Variants in DSCAML1 observed in about 807,000 individuals in gnomAD.
DSCAML1 encodes the protein DS cell adhesion molecule like 1.
In DSCAML1, 38 loss-of-function variants were observed where a neutral mutation model predicts 200.5. The observed-to-expected ratio is 0.19, with a 90% CI of 0.15 to 0.25. The LOEUF is 0.25. Among genes scored for constraint, DSCAML1 ranks in the 10% least tolerant of loss-of-function variants. DSCAML1 has a pLI of 1.00. For missense variants in DSCAML1, 2,223 were observed against 2,858.8 expected, an observed-to-expected ratio of 0.78 and a Z score of 5.07; for synonymous variants, 1,215 against 1,165.0, an observed-to-expected ratio of 1.04 and a Z score of -0.87.
intron 3 of DSCAML1, among the ~76,000 whole-genome samples, chr11:117,761,477 T>A (rs1480806339): frequency 6.6e-6 from 1 of 152,262 alleles, no homozygotes; most frequent in African/African-American, 2.4e-5. Context: ...TGGGCTCTGA[T>A]ACCACATGGC....
At chr11:117,797,850 G>A (rs893729267), upstream of DSCAML1, among the ~76,000 whole-genome samples, 17 of 104,256 alleles carry the variant, frequency 1.6e-4, no homozygotes, top group African/African-American at 7.8e-4. Flanking sequence ...TACGCTACCT[G>A]TGTTATCTTC....
chr11:117,722,769 G>T (rs886085742), intron 3 of DSCAML1, among the ~76,000 whole-genome samples: 3 of 152,178 alleles, frequency 2.0e-5, no homozygotes, highest in African/African-American at 7.2e-5. Flanking sequence ...TCAGGCTGAG[G>T]TGTAGACAAC....
chr11:117,770,408 A>T (rs1042045199), intron 3 of DSCAML1, among the ~76,000 whole-genome samples: 5 of 152,228 alleles, frequency 3.3e-5, no homozygotes, highest in African/African-American at 1.2e-4. Context: ...TCTGAACAGC[A>T]GAGAATCACA....
intron 3 of DSCAML1, among the ~76,000 whole-genome samples, chr11:117,622,114 T>C (rs1248175997): frequency 1.3e-5 from 2 of 152,144 alleles, no homozygotes; most frequent in South Asian, 2.1e-4. Flanking sequence ...TTTGCCAAAA[T>C]GAGGACCCCT....
intron 3 of DSCAML1, among the ~76,000 whole-genome samples, chr11:117,702,351 C>G (rs1016559701): frequency 1.3e-5 from 2 of 152,052 alleles, no homozygotes; most frequent in African/African-American, 4.8e-5. Context: ...ATGATGCCTT[C>G]CTATGGCATG....
At chr11:117,477,743 G>A (rs1048316695) in intron 14 of DSCAML1, among the ~76,000 whole-genome samples, 3 of 152,298 alleles carry the variant, frequency 2.0e-5, no homozygotes, top group Admixed American at 1.3e-4. Context: ...TGGGGAAGCC[G>A]TGCCATGCCC....
At chr11:117,762,078 C>T (rs1360304197) in intron 3 of DSCAML1, among the ~76,000 whole-genome samples, 4 of 152,084 alleles carry the variant, frequency 2.6e-5, no homozygotes, top group Admixed American at 1.3e-4. Context: ...ATCTCCCAGT[C>T]GCACTCTGCT....
intron 3 of DSCAML1, among the ~76,000 whole-genome samples, chr11:117,747,034 A>AATCC (rs1399991026): frequency 6.6e-6 from 1 of 151,892 alleles, no homozygotes; most frequent in Non-Finnish European, 1.5e-5. Context: ...ATGAAGAATG[A>AATCC]ATCCAGTCTA....
At chr11:117,809,151 A>G (rs1053380534) in intron 1 of DSCAML1, among the ~76,000 whole-genome samples, 3 of 152,272 alleles carry the variant, frequency 2.0e-5, no homozygotes, top group Admixed American at 2.0e-4. Flanking sequence ...CCTCAGATTT[A>G]GGAGAGGCGA....
chr11:117,616,114 C>G (rs527005), intron 3 of DSCAML1, among the ~76,000 whole-genome samples: 31,036 of 152,082 alleles, frequency 0.2, 3,316 homozygotes, highest in South Asian at 0.3. Context: ...TTGGGGTCAT[C>G]ATCAGTCCGA....
At chr11:117,810,728 T>C (rs1165611280) in intron 1 of DSCAML1, among the ~76,000 whole-genome samples, 1 of 152,202 alleles carries the variant, frequency 6.6e-6, no homozygotes, top group Admixed American at 6.5e-5. Context: ...AACAGCTCTT[T>C]CAATTTTTCC....
intron 3 of DSCAML1, among the ~76,000 whole-genome samples, chr11:117,772,274 AG>A (rs778443014): frequency 1.3e-5 from 2 of 152,246 alleles, no homozygotes; most frequent in Non-Finnish European, 2.9e-5. Context: ...TCTTGGCCAA[AG>A]GTGGGCTGCA....
rs771758908 is a variant in DSCAML1 at position 117,432,487 on chromosome 11, T to C, written c.5044A>G (p.Ile1682Val). 1.2e-6 allele frequency: 2 copies of C among 1,613,914 alleles called. No homozygotes were observed. The highest frequency in any genetic ancestry group is 4.5e-5 in the East Asian group (2 of 44,902). ...CTGAACTCAGCATCTGTCACAGGGA[T>C]GGTGGCCTTGTCATCTCCTGGGGAA... The part of the protein sequence containing the change: ...IKQLGDDKAT[I>V]PVTDAEFSQA... Residue 1682 changes from isoleucine (I) to valine (V), a missense_variant, in exon 30 of 33, where the codon ATC becomes GTC. Coordinates refer to ENST00000651296, the MANE Select transcript of DSCAML1 (RefSeq NM_020693.4).
At chr11:117,555,479 G>A (rs933662370) in intron 3 of DSCAML1, among the ~76,000 whole-genome samples, 9 of 152,214 alleles carry the variant, frequency 5.9e-5, no homozygotes, top group Non-Finnish European at 1.3e-4. Flanking sequence ...GTCTCTGGGA[G>A]AGTCAGGGAA....
rs367544453 is a variant in DSCAML1 at position 117,481,262 on chromosome 11, G to A, written c.2568C>T (p.Pro856=). 79 of 1,613,776 alleles carry A rather than the reference G, an allele frequency of 4.9e-5. No individual in the cohort carries two copies. Among genetic ancestry groups the A allele is most frequent in the African/African-American group, 3.5e-4 (26 of 74,960 alleles). Residue 856 remains proline, a synonymous_variant, in exon 13 of 33, where the codon CCC becomes CCT. Coordinates refer to ENST00000651296, the MANE Select transcript of DSCAML1 (RefSeq NM_020693.4). ...DEVVSTLKLK[P]ADRGDSVFFS... ...AGAACACAGAGTCCCCACGGTCAGC[G>A]GGCTTGAGCTGGGAGACCACCAGCA...
At chr11:117,628,830 C>T (rs1356795700) in intron 3 of DSCAML1, among the ~76,000 whole-genome samples, 1 of 152,100 alleles carries the variant, frequency 6.6e-6, no homozygotes, top group Non-Finnish European at 1.5e-5. Flanking sequence ...GCTCAATCTG[C>T]CCATTTTACA....
chr11:117,755,509 C>G (rs922139271), intron 3 of DSCAML1, among the ~76,000 whole-genome samples: 2 of 152,216 alleles, frequency 1.3e-5, no homozygotes, highest in African/African-American at 4.8e-5. Context: ...CCCGTCTCCT[C>G]GGATTGTCAT....
At chr11:117,747,252 G>A (rs973730347) in intron 3 of DSCAML1, among the ~76,000 whole-genome samples, 1 of 152,122 alleles carries the variant, frequency 6.6e-6, no homozygotes, top group African/African-American at 2.4e-5. Flanking sequence ...AACAAATCAA[G>A]CACCGCAGAT....
chr11:117,540,294 T>C (rs2050244121), intron 3 of DSCAML1, among the ~76,000 whole-genome samples: 1 of 152,018 alleles, frequency 6.6e-6, no homozygotes, highest in South Asian at 2.1e-4. Flanking sequence ...CTCACAGGAG[T>C]GCGAACCCTA....
Sources: gnomAD v4.1 joint callset for allele counts (sites outside exome capture counted in the v4.1 genomes callset) on GRCh38, gnomAD v4.1.1 for gene constraint, MANE v1.5 for transcripts, NCBI Gene and HGNC (gene_info 2026-07-23, HGNC 2026-07-21) for gene names.